Variants in PRKCH observed in about 807,000 individuals in gnomAD.
The protein encoded by PRKCH is protein kinase C eta, also known as protein kinase C eta type.
A neutral mutation model predicts 82.5 loss-of-function variants in PRKCH; 28 were observed. The observed-to-expected ratio is 0.34, with a 90% CI of 0.25 to 0.47. The LOEUF (loss-of-function observed/expected upper bound fraction) is 0.47, where lower values mean the gene tolerates loss of function less well. Ranked by LOEUF, PRKCH falls within the 20% of genes least tolerant of loss-of-function variation. The pLI is 1.00. For synonymous variants in PRKCH, 322 were observed against 327.4 expected (o/e 0.98, Z 0.18); for missense variants, 705 against 881.8 (o/e 0.80, Z 2.54).
chr14:61,518,042 G>A (rs2042851881), intron 10 of PRKCH, among the ~76,000 whole-genome samples: 1 of 152,184 alleles, frequency 6.6e-6, no homozygotes, highest in African/African-American at 2.4e-5. Context: ...GCTGCACTTG[G>A]CTGTCTGCAC....
intron 2 of PRKCH, among the ~76,000 whole-genome samples, chr14:61,441,289 C>G (rs575769085): frequency 7.9e-5 from 12 of 152,178 alleles, no homozygotes; most frequent in Admixed American, 7.2e-4. Context: ...TGGGAAAACC[C>G]TAGGAAGAAG....
In PRKCH at chr14:61,449,132, T is replaced by A. The variant is rs374826027; in HGVS notation, c.614-32T>A. On this transcript the variant is annotated intron_variant, in intron 4 of 13. Transcript: ENST00000332981. ...AACTGGCTGGACTGTGAGCTTCTGATAAATGTATAATTGCTGGATTTAATT... is the reference window on the plus strand; with the variant it reads ...AACTGGCTGGACTGTGAGCTTCTGAAAAATGTATAATTGCTGGATTTAATT... The A allele has an allele frequency of 4.0e-4, 643 of 1,594,332 alleles. 2 individuals carry two copies. The highest frequency in any genetic ancestry group is 5.2e-4 in the Non-Finnish European group (599 of 1,162,140).
chr14:61,322,532 C>T, intron 1 of PRKCH, 68 bp downstream of exon 1: 1 of 1,514,518 alleles, frequency 6.6e-7, no homozygotes, highest in Non-Finnish European at 8.8e-7. Flanking sequence ...TTTCAAAACT[C>T]ACCCGGGTCC....
chr14:61,518,088 C>T (rs982208741), intron 10 of PRKCH, among the ~76,000 whole-genome samples: 4 of 152,172 alleles, frequency 2.6e-5, no homozygotes, highest in African/African-American at 7.2e-5. Flanking sequence ...TGTTTTATGC[C>T]CTTTGGACTG....
Position 61,550,044 on chromosome 14 carries a change from T to A in PRKCH, c.*213T>A. ...GCACTAGAAATAGTTGATAATGAAA[T>A]GAGATTTTATGAAGTATACCGCTCC... is the stretch of plus-strand genomic sequence containing the variant. On this transcript the variant is annotated 3_prime_UTR_variant, in exon 14 of 14. Transcript: ENST00000332981. The A allele has an allele frequency of 1.9e-6, 1 of 515,630 alleles. No homozygotes were observed. Among genetic ancestry groups the A allele is most frequent in the Non-Finnish European group, 3.4e-6 (1 of 296,258 alleles). The allele number at this position is 515,630 out of a possible 1,614,324, so 31.9% of individuals were successfully genotyped here.
chr14:61,529,005 T>C lies in PRKCH; in HGVS notation c.1434-70T>C, dbSNP rs112049976. The C allele has an allele frequency of 1.3e-3, 1,916 of 1,460,370 alleles. 98 individuals are homozygous for C. The African/African-American group carries it at 0.024, about 18-fold the overall frequency. 90.5% of individuals were successfully genotyped at this position (1,460,370 alleles called of 1,614,324 possible). A position where few individuals can be genotyped will look rare whatever the true frequency, so the allele number is the denominator to read the frequency against. The stretch of plus-strand genomic sequence containing the variant: ...GTGTGTGTGTGTGTGTGTGTGTGTG[T>C]GCCCATTCTGAGAGGTGGATGGTTT... On this transcript the variant is annotated intron_variant, in intron 10 of 13. Coordinates refer to ENST00000332981, the MANE Select transcript of PRKCH (RefSeq NM_006255.5).
chr14:61,498,423 C>T (rs10459516), intron 10 of PRKCH, among the ~76,000 whole-genome samples: 123,349 of 151,750 alleles, frequency 0.81, 50,424 homozygotes, highest in Middle Eastern at 0.9. Flanking sequence ...CCCAGCCTCA[C>T]GCCGTGACCA....
chr14:61,224,444 T>A (rs1172873001), intron 1 of PRKCH, among the ~76,000 whole-genome samples: 1 of 152,214 alleles, frequency 6.6e-6, no homozygotes, highest in African/African-American at 2.4e-5. Context: ...GGACCCCATC[T>A]GAGATCATGC....
chr14:61,448,561 G>A (rs1348756406), intron 4 of PRKCH, among the ~76,000 whole-genome samples: 4 of 152,130 alleles, frequency 2.6e-5, no homozygotes, highest in African/African-American at 4.8e-5. Flanking sequence ...GAGGGCAGGT[G>A]GTTTCAGTCT....
At chr14:61,547,933 A>G in intron 13 of PRKCH, 47 bp downstream of exon 13, 15 of 1,593,492 alleles carry the variant, frequency 9.4e-6, no homozygotes, top group Non-Finnish European at 1.1e-5. Flanking sequence ...TTCAGATGTC[A>G]CAGCATTCCA....
chr14:61,198,269 T>C (rs1024325151), intron 1 of PRKCH, among the ~76,000 whole-genome samples: 1 of 152,214 alleles, frequency 6.6e-6, no homozygotes, highest in Non-Finnish European at 1.5e-5. Flanking sequence ...TCCTTCATGA[T>C]GTAGCCTCAG....
chr14:61,327,435 G>C (rs1242697082), intron 1 of PRKCH, among the ~76,000 whole-genome samples: 1 of 152,162 alleles, frequency 6.6e-6, no homozygotes, highest in Non-Finnish European at 1.5e-5. Flanking sequence ...GTGTTTAAGA[G>C]GAAAAATATA....
intron 2 of PRKCH, among the ~76,000 whole-genome samples, chr14:61,433,914 T>A (rs575933940): frequency 6.6e-6 from 1 of 152,338 alleles, no homozygotes; most frequent in East Asian, 1.9e-4. Flanking sequence ...AAGAAACTCT[T>A]CATGATAGTT....
chr14:61,519,278 A>C (rs1594781228), intron 10 of PRKCH, among the ~76,000 whole-genome samples: 1 of 6,152 alleles, frequency 1.6e-4, no homozygotes, highest in Non-Finnish European at 8.1e-4. Context: ...TGAGATTATG[A>C]ATGAATGAAT....
chr14:61,195,025 C>CG lies in PRKCH; in HGVS notation c.-19+7358dup, dbSNP rs570765821. On this transcript the variant is annotated intron_variant, in intron 1 of 3. Coordinates refer to the PRKCH transcript ENST00000555185. Reference sequence around the variant, plus strand: ...CTGAGATTACAGGCGTGAGCCACTGCGCCTGGCCATCATTATCATTTTAAA... The same window carrying CG: ...CTGAGATTACAGGCGTGAGCCACTGCGGCCTGGCCATCATTATCATTTTAAA... Among the ~76,000 whole-genome samples, 22 of 152,330 alleles carry CG rather than the reference C, an allele frequency of 1.4e-4. No individual in the cohort carries two copies. The South Asian group carries it at 4.6e-3, about 32-fold the overall frequency.
At chr14:61,249,771 C>T (rs1481768780) in intron 1 of PRKCH, among the ~76,000 whole-genome samples, 4 of 151,720 alleles carry the variant, frequency 2.6e-5, no homozygotes, top group South Asian at 2.1e-4. Flanking sequence ...CAGGTGCATG[C>T]CACCACACCC....
chr14:61,187,825 T>C (rs2044374646), intron 1 of PRKCH, among the ~76,000 whole-genome samples: 1 of 152,346 alleles, frequency 6.6e-6, no homozygotes, highest in African/African-American at 2.4e-5. Context: ...AAATTTCATT[T>C]TGAATTCCAC....
chr14:61,272,340 CTTTCTTTTTTTTTTTTTTTT>C (rs1203106864), intron 1 of PRKCH, among the ~76,000 whole-genome samples: 6 of 97,838 alleles, frequency 6.1e-5, no homozygotes, highest in South Asian at 3.5e-4. Flanking sequence ...TTTCTTTTTT[CTTTCTTTTTTTTTTTTTTTT>C]TTTTTTTTTT....
intron 1 of PRKCH, chr14:61,353,420 C>T (rs753125610): frequency 1.3e-5 from 2 of 152,154 alleles, no homozygotes; most frequent in African/African-American, 4.8e-5. Flanking sequence ...ACAACTAAGA[C>T]TTGTTTTCTC....
Sources: allele counts gnomAD v4.1 joint callset (sites outside exome capture counted in the v4.1 genomes callset), GRCh38; gene constraint gnomAD v4.1.1; transcripts MANE v1.5; gene names NCBI Gene and HGNC (gene_info 2026-07-23, HGNC 2026-07-21).